SAMD4B: variants seen among roughly 807,000 people sequenced by gnomAD.
The protein encoded by SAMD4B is protein Smaug homolog 2.
Under a neutral mutation model 74.5 loss-of-function variants are expected in SAMD4B, and 5 were observed. That is an observed-to-expected ratio of 0.07 (90% CI 0.04 to 0.14). The LOEUF (loss-of-function observed/expected upper bound fraction) is 0.14, where lower values mean the gene tolerates loss of function less well. Ranked by LOEUF, SAMD4B falls within the 10% of genes least tolerant of loss-of-function variation. The pLI, the probability that SAMD4B is intolerant of heterozygous loss-of-function variation, is 1.00. For synonymous variants in SAMD4B, 373 were observed against 374.9 expected (o/e 1.00, Z 0.06); for missense variants, 608 against 921.8 (o/e 0.66, Z 4.41).
chr19:39,387,848 G>A (rs776604512), downstream of SAMD4B, among the ~76,000 whole-genome samples: 84 of 152,306 alleles, frequency 5.5e-4, no homozygotes, highest in Non-Finnish European at 9.7e-4. Context: ...CCTGCATTAA[G>A]ATATTCTGGC....
chr19:39,351,545 A>C (rs1311962147), intron 1 of SAMD4B: 1 of 152,188 alleles, frequency 6.6e-6, no homozygotes, highest in African/African-American at 2.4e-5. Context: ...CTGAAACCCA[A>C]CTCAAACTGG....
At chr19:39,386,263 C>T, downstream of SAMD4B, 1 of 1,614,200 alleles carries the variant, frequency 6.2e-7, no homozygotes, top group East Asian at 2.2e-5. This position sits in a 1 kb window ranked among gnomAD's most constrained non-coding sequence, Gnocchi z 6.1. Context: ...CGGGCCTCAT[C>T]CTCGCTGCTC....
chr19:39,364,470 C>G (rs2076836728), intron 3 of SAMD4B, among the ~76,000 whole-genome samples: 1 of 152,236 alleles, frequency 6.6e-6, no homozygotes, highest in African/African-American at 2.4e-5. Flanking sequence ...TTCTCAGCAG[C>G]TTTATAATCC....
intron 3 of SAMD4B, among the ~76,000 whole-genome samples, chr19:39,365,447 G>A (rs995614156): frequency 6.6e-6 from 1 of 151,828 alleles, no homozygotes; most frequent in African/African-American, 2.4e-5. Flanking sequence ...CCAGCTACTG[G>A]TGGGGGCTGA....
rs1388984873 is a variant in SAMD4B at position 39,357,055 on chromosome 19, C to A, written c.162C>A (p.Asp54Glu). The change falls in exon 3 of 14, where the codon GAC becomes GAA. Residue 54 changes from aspartate to glutamate, a missense_variant. This residue lies in a region of SAMD4B where 74 missense variants were observed against 182.0 expected (regional missense o/e 0.41). Coordinates refer to ENST00000610417, the MANE Select transcript of SAMD4B (RefSeq NM_001384574.2). ...CLEHSLADCNDIHLLESEANS... is the reference protein window; with the variant it reads ...CLEHSLADCNEIHLLESEANS... ...AGCACTCACTGGCGGACTGCAATGA[C>A]ATCCACCTGCTGGAGTCGGAGGCCA... The A allele has an allele frequency of 6.2e-7, 1 of 1,612,424 alleles. No individual in the cohort carries two copies. Among genetic ancestry groups the A allele is most frequent in the South Asian group, 1.1e-5 (1 of 90,984 alleles).
At chr19:39,353,180 G>A (rs566133251) in intron 1 of SAMD4B, among the ~76,000 whole-genome samples, 6 of 152,250 alleles carry the variant, frequency 3.9e-5, no homozygotes, top group East Asian at 1.9e-4. Context: ...TTTTTTAGGC[G>A]CGTGAGCTAC....
downstream of SAMD4B, chr19:39,386,421 G>A: frequency 6.2e-7 from 1 of 1,614,078 alleles, no homozygotes; most frequent in Non-Finnish European, 8.5e-7. The surrounding 1 kb of genome is among the most constrained non-coding windows in gnomAD (Gnocchi z 6.1). Context: ...GGAGTGGAGA[G>A]AGATGAAACC....
rs2076363043 is a variant in SAMD4B, at chr19:39,356,750, C to G, written c.-144C>G. 1 of 645,098 alleles carries G rather than the reference C, an allele frequency of 1.6e-6. No individual in the cohort carries two copies. Among genetic ancestry groups the G allele is most frequent in the South Asian group, 2.2e-5 (1 of 45,234 alleles). The allele number at this position is 645,098 out of a possible 1,614,324, so 40.0% of individuals were successfully genotyped here. A position where few individuals can be genotyped will look rare whatever the true frequency, so the allele number is the denominator to read the frequency against. ...CCATGTGAGCAGGCTTCCTCCTCCC[C>G]CAACAACCGTTGCCACCACGCCCAG... is the stretch of plus-strand genomic sequence containing the variant. On this transcript the variant is annotated 5_prime_UTR_variant, in exon 3 of 14. Transcript: ENST00000610417.
downstream of SAMD4B, chr19:39,388,542 T>C: frequency 6.2e-7 from 1 of 1,613,836 alleles, no homozygotes; most frequent in Middle Eastern, 1.6e-4. Flanking sequence ...CCCCAAAACT[T>C]AACCGCAACC....
In SAMD4B at chr19:39,383,656, C is replaced by T. The variant is rs2078140003; in HGVS notation, c.*129C>T. 3 of 1,588,868 alleles carry T rather than the reference C, an allele frequency of 1.9e-6. No individual in the cohort carries two copies. The highest frequency in any genetic ancestry group is 4.6e-5 in the East Asian group (2 of 43,440). On this transcript the variant is annotated 3_prime_UTR_variant, in exon 14 of 14. Transcript: ENST00000610417. This position sits in a 1 kb window ranked among gnomAD's most constrained non-coding sequence, Gnocchi z 4.1. ...ATATATTCTAATATTTTTCTACTCT[C>T]TTACCCTCTTAACTTTTGTTTAACA...
downstream of SAMD4B, chr19:39,388,992 G>A: frequency 6.2e-7 from 1 of 1,614,168 alleles, no homozygotes; most frequent in Non-Finnish European, 8.5e-7. Flanking sequence ...GTGTGACTCG[G>A]GGTTTGCTGT....
chr19:39,345,390 C>T (rs776360223), intron 1 of SAMD4B, among the ~76,000 whole-genome samples: 1 of 152,208 alleles, frequency 6.6e-6, no homozygotes, highest in Non-Finnish European at 1.5e-5. Flanking sequence ...GGTTTCTTTT[C>T]AGATCTTCCT....
chr19:39,365,623 C>T (rs1468689543), intron 3 of SAMD4B, among the ~76,000 whole-genome samples: 4 of 152,170 alleles, frequency 2.6e-5, no homozygotes, highest in Non-Finnish European at 5.9e-5. Context: ...TGGGCTCTGT[C>T]ACTTAGGGTG....
At chr19:39,386,273 C>A (rs766462807), downstream of SAMD4B, 3 of 1,614,080 alleles carry the variant, frequency 1.9e-6, no homozygotes, top group Non-Finnish European at 2.5e-6. This position sits in a 1 kb window ranked among gnomAD's most constrained non-coding sequence, Gnocchi z 6.1. Context: ...CCTCGCTGCT[C>A]TCGTCCTCAC....
chr19:39,343,596 A>G (rs1011063353), intron 1 of SAMD4B, among the ~76,000 whole-genome samples: 4 of 150,054 alleles, frequency 2.7e-5, no homozygotes, highest in African/African-American at 9.9e-5. Flanking sequence ...ACCACCCTAA[A>G]ATGCCCTAGA....
chr19:39,366,650 C>T (rs534694516), intron 3 of SAMD4B, among the ~76,000 whole-genome samples: 1 of 152,192 alleles, frequency 6.6e-6, no homozygotes, highest in East Asian at 1.9e-4. Flanking sequence ...CCACAGAGTT[C>T]TAAGGGGATC....
In SAMD4B at chr19:39,369,660, G is replaced by C. The variant is rs371386640; in HGVS notation, c.202G>C (p.Val68Leu). 1 of 1,613,648 alleles carries C rather than the reference G, an allele frequency of 6.2e-7. No individual in the cohort carries two copies. Among genetic ancestry groups the C allele is most frequent in the Non-Finnish European group, 8.5e-7 (1 of 1,179,776 alleles). ...LESEANSAAIVSQWQQESKEK... is the reference protein window; with the variant it reads ...LESEANSAAILSQWQQESKEK... ...TCTTCTTATCCCTTCTGTAGCCATC[G>C]TCAGCCAGTGGCAGCAGGAGTCCAA... The change falls in exon 4 of 14, where the codon GTC (valine) becomes CTC (leucine). Residue 68 changes from valine to leucine, a missense_variant. Val to Leu is a conservative substitution (Grantham distance 32). Transcript: ENST00000610417.
At chr19:39,370,253 A>G (rs955680183) in intron 4 of SAMD4B, 128 bp downstream of exon 4, 2 of 875,396 alleles carry the variant, frequency 2.3e-6, no homozygotes, top group Non-Finnish European at 1.8e-6. Flanking sequence ...TTTATGAGGC[A>G]ATGCAGAGGC....
intron 4 of SAMD4B, among the ~76,000 whole-genome samples, chr19:39,374,723 C>A (rs1460072031): frequency 6.6e-6 from 1 of 152,068 alleles, no homozygotes; most frequent in Admixed American, 6.5e-5. Flanking sequence ...CATCTGTAGT[C>A]CCAGCTACTC....
Sources: gnomAD v4.1 joint callset for allele counts (sites outside exome capture counted in the v4.1 genomes callset) on GRCh38, gnomAD v4.1.1 for gene constraint, gnomAD v4.1.1 regional missense constraint, Gnocchi (gnomAD v3.1) non-coding constraint, MANE v1.5 for transcripts, NCBI Gene and HGNC (gene_info 2026-07-23, HGNC 2026-07-21) for gene names.